The following GIGYF2 variants were observed in gnomAD, a reference collection of about 807,000 sequenced individuals.
The protein encoded by GIGYF2 is GRB10-interacting GYF protein 2.
GIGYF2 carries 25 observed loss-of-function variants against 208.1 expected under a neutral mutation model. That is an observed-to-expected ratio of 0.12 (90% CI 0.09 to 0.17). The LOEUF (loss-of-function observed/expected upper bound fraction) is 0.17, where lower values mean the gene tolerates loss of function less well. Ranked by LOEUF, GIGYF2 falls within the 10% of genes least tolerant of loss-of-function variation. The pLI is 1.00. For synonymous variants in GIGYF2, 534 were observed against 543.8 expected, an observed-to-expected ratio of 0.98 and a Z score of 0.25; for missense variants, 1,302 against 1,579.4, an observed-to-expected ratio of 0.82 and a Z score of 2.98.
intron 14 of GIGYF2, among the ~76,000 whole-genome samples, chr2:232,802,439 T>G (rs911705077): frequency 5.9e-5 from 9 of 152,182 alleles, no homozygotes; most frequent in African/African-American, 2.2e-4. Flanking sequence ...TATTCTTAGT[T>G]TCTTGACCCT....
At position 232,857,960 on chromosome 2, in the gene GIGYF2, A is replaced by C. The variant is rs1690636210; in HGVS notation, c.*1100A>C. The stretch of plus-strand genomic sequence containing the variant: ...CATACAGAACCTGTCCATCTTTAAG[A>C]CCTTCATCCATGGAATCTACTATAC... On this transcript the variant is annotated 3_prime_UTR_variant, in exon 29 of 29. Transcript: ENST00000373563. 1 of 153,092 alleles carries C rather than the reference A, an allele frequency of 6.5e-6. No individual in the cohort carries two copies. Among genetic ancestry groups the C allele is most frequent in the Non-Finnish European group, 1.5e-5 (1 of 68,458 alleles). 9.5% of individuals were successfully genotyped at this position (153,092 alleles called of 1,614,324 possible).
At chr2:232,835,151 G>C (rs1344864085) in intron 22 of GIGYF2, among the ~76,000 whole-genome samples, 1 of 152,114 alleles carries the variant, frequency 6.6e-6, no homozygotes. Context: ...CATCTGTGTT[G>C]CTGTGAAAGA....
chr2:232,823,192 A>G (rs987281007), intron 21 of GIGYF2, among the ~76,000 whole-genome samples: 1 of 152,082 alleles, frequency 6.6e-6, no homozygotes, highest in African/African-American at 2.4e-5. Context: ...GGTTAAGTCA[A>G]CTTTGTGTTC....
intron 2 of GIGYF2, among the ~76,000 whole-genome samples, chr2:232,704,116 A>C (rs1488644657): frequency 6.6e-6 from 1 of 152,168 alleles, no homozygotes; most frequent in Admixed American, 6.6e-5. Context: ...AGTTATGGAC[A>C]TAGGGTTGGA....
intron 2 of GIGYF2, among the ~76,000 whole-genome samples, chr2:232,726,930 A>G (rs1444771487): frequency 6.6e-6 from 1 of 152,238 alleles, no homozygotes; most frequent in Non-Finnish European, 1.5e-5. Context: ...AAGGCAAAAA[A>G]GTAAAGGTCA....
intron 21 of GIGYF2, among the ~76,000 whole-genome samples, chr2:232,826,698 A>G (rs1701256492): frequency 6.6e-6 from 1 of 152,162 alleles, no homozygotes. Flanking sequence ...GAAAAAAACA[A>G]CCCCATCAAA....
intron 3 of GIGYF2, among the ~76,000 whole-genome samples, chr2:232,742,092 G>C (rs1322196828): frequency 1.3e-5 from 2 of 152,182 alleles, no homozygotes; most frequent in Non-Finnish European, 2.9e-5. Flanking sequence ...TAGCAGAAAG[G>C]ACGTGTGTGA....
At chr2:232,790,148 G>A (rs1283074321) in intron 9 of GIGYF2, among the ~76,000 whole-genome samples, 1 of 152,122 alleles carries the variant, frequency 6.6e-6, no homozygotes, top group Non-Finnish European at 1.5e-5. Context: ...CTGTAATTTT[G>A]TGAATTTTTG....
At chr2:232,740,190 G>T (rs1697918920) in intron 3 of GIGYF2, among the ~76,000 whole-genome samples, 1 of 152,208 alleles carries the variant, frequency 6.6e-6, no homozygotes, top group South Asian at 2.1e-4. Flanking sequence ...GAGTGTGGTG[G>T]CATGCACCTG....
intron 22 of GIGYF2, among the ~76,000 whole-genome samples, chr2:232,834,135 A>C (rs150258648): frequency 2.0e-5 from 3 of 152,282 alleles, no homozygotes; most frequent in East Asian, 1.9e-4. Context: ...GAGCAGACTT[A>C]TGGCAGGTTC....
At chr2:232,827,252 A>G (rs929384737) in intron 21 of GIGYF2, among the ~76,000 whole-genome samples, 1 of 150,014 alleles carries the variant, frequency 6.7e-6, no homozygotes, top group Non-Finnish European at 1.5e-5. Flanking sequence ...AGACTACTTT[A>G]GAGTATAAAC....
intron 8 of GIGYF2, chr2:232,782,701 CGATACAGA>C (rs1365508691): frequency 1.3e-5 from 2 of 152,124 alleles, no homozygotes; most frequent in Non-Finnish European, 2.9e-5. Flanking sequence ...AAAATTGGAA[CGATACAGA>C]GATTAGCATG....
At chr2:232,719,951 C>T (rs1696862425) in intron 2 of GIGYF2, among the ~76,000 whole-genome samples, 1 of 152,086 alleles carries the variant, frequency 6.6e-6, no homozygotes, top group African/African-American at 2.4e-5. Flanking sequence ...GGTACATGTG[C>T]ACAACGTGCA....
intron 2 of GIGYF2, among the ~76,000 whole-genome samples, chr2:232,715,990 G>C (rs1696659149): frequency 2.0e-5 from 3 of 152,086 alleles, no homozygotes; most frequent in Non-Finnish European, 4.4e-5. Context: ...AAAGAATATT[G>C]CAAGTTATGA....
chr2:232,743,806 G>A (rs1167160953), intron 3 of GIGYF2, among the ~76,000 whole-genome samples: 1 of 152,102 alleles, frequency 6.6e-6, no homozygotes, highest in Non-Finnish European at 1.5e-5. Context: ...TCTTTTCATA[G>A]CACCTGAAGG....
At position 232,811,334 on chromosome 2, in the gene GIGYF2, T is replaced by G. The variant is rs1700728424; in HGVS notation, c.1989T>G (p.Phe663Leu). ...QQQLALLLQQ[F>L]QTLKMRISDQ... is the part of the protein sequence containing the mutation. Reference sequence around the variant, plus strand: ...AGTTGGCACTTCTTCTTCAACAGTTTCAGACCTTGAAGATGAGGTTGGTGG... The same window carrying G: ...AGTTGGCACTTCTTCTTCAACAGTTGCAGACCTTGAAGATGAGGTTGGTGG... The change falls in exon 17 of 29, where the codon TTT becomes TTG. Residue 663 changes from phenylalanine (F) to leucine (L), a missense_variant. Coordinates refer to ENST00000373563, the MANE Select transcript of GIGYF2 (RefSeq NM_001103146.3). The G allele has an allele frequency of 6.3e-7, 1 of 1,595,340 alleles. No homozygotes were observed. The highest frequency in any genetic ancestry group is 8.6e-7 in the Non-Finnish European group (1 of 1,162,908).
At chr2:232,716,926 C>T (rs1696709483) in intron 2 of GIGYF2, among the ~76,000 whole-genome samples, 1 of 151,778 alleles carries the variant, frequency 6.6e-6, no homozygotes, top group Admixed American at 6.6e-5. Context: ...CAACTTCAGC[C>T]TCCCCAGTAG....
intron 2 of GIGYF2, among the ~76,000 whole-genome samples, chr2:232,715,545 G>A (rs1696638299): frequency 6.6e-6 from 1 of 151,608 alleles, no homozygotes; most frequent in South Asian, 2.1e-4. Context: ...CCAGGTAGAT[G>A]TAGACAATTC....
intron 8 of GIGYF2, among the ~76,000 whole-genome samples, chr2:232,779,718 A>G (rs757774600): frequency 2.0e-5 from 3 of 152,176 alleles, no homozygotes; most frequent in Non-Finnish European, 4.4e-5. Context: ...AGATTCTGAT[A>G]CACTGCAGTT....
Sources: allele counts gnomAD v4.1 joint callset (sites outside exome capture counted in the v4.1 genomes callset), GRCh38; gene constraint gnomAD v4.1.1; transcripts MANE v1.5; gene names NCBI Gene and HGNC (gene_info 2026-07-23, HGNC 2026-07-21).